PDZD2: variants seen among roughly 807,000 people sequenced by gnomAD.
PDZD2 encodes the protein PDZ domain-containing protein 2.
PDZD2 carries 90 observed loss-of-function variants against 220.7 expected under a neutral mutation model. The ratio of observed to expected loss-of-function variants is 0.41; its 90% confidence interval spans 0.34 to 0.49. PDZD2 has a LOEUF of 0.49. PDZD2 is among the 20% of genes least tolerant of loss of function. The pLI, the probability that PDZD2 is intolerant of heterozygous loss-of-function variation, is 0.28. For missense variants in PDZD2, 3,174 were observed against 3,608.5 expected (o/e 0.88, Z 3.08); for synonymous variants, 1,375 against 1,450.5 (o/e 0.95, Z 1.18).
intron 7 of PDZD2, among the ~76,000 whole-genome samples, chr5:32,038,428 T>C (rs983613120): frequency 9.9e-5 from 15 of 151,736 alleles, no homozygotes; most frequent in Admixed American, 5.3e-4. Flanking sequence ...TCCCAGCTAC[T>C]TGGGAGACTG....
intron 6 of PDZD2, among the ~76,000 whole-genome samples, chr5:32,022,985 G>C (rs1243806970): frequency 6.6e-6 from 1 of 152,126 alleles, no homozygotes; most frequent in Non-Finnish European, 1.5e-5. Flanking sequence ...CCATTGAGAG[G>C]TAACCAGAGC....
chr5:31,920,238 C>T lies in PDZD2; in HGVS notation c.477-62917C>T, dbSNP rs527827680. On this transcript the variant is annotated intron_variant, in intron 2 of 24. Coordinates refer to ENST00000438447, the MANE Select transcript of PDZD2 (RefSeq NM_178140.4). ...AGTTGAGGCTATAGTGGGCTATGAGCGCGCCACTGCACTCCAGCCTTGGTA... is the reference window on the plus strand; with the variant it reads ...AGTTGAGGCTATAGTGGGCTATGAGTGCGCCACTGCACTCCAGCCTTGGTA... Among the ~76,000 whole-genome samples the T allele has an allele frequency of 4.6e-5, 7 of 151,936 alleles. No homozygotes were observed. The South Asian group carries it at 8.3e-4, about 18-fold the overall frequency.
intron 1 of PDZD2, among the ~76,000 whole-genome samples, chr5:31,788,774 G>T (rs1171934765): frequency 6.6e-6 from 1 of 152,244 alleles, no homozygotes; most frequent in Non-Finnish European, 1.5e-5. Context: ...TCAATCAGTT[G>T]TATGTTTGTG....
rs531039436 is a variant in PDZD2 at position 31,845,380 on chromosome 5, A to G, written c.476+45656A>G. On this transcript the variant is annotated intron_variant, in intron 2 of 24. Coordinates refer to ENST00000438447, the MANE Select transcript of PDZD2 (RefSeq NM_178140.4). The stretch of plus-strand genomic sequence containing the variant: ...CTTTCTTATTCCACTACGTCTCCAC[A>G]CTGCCATATAACACACAGTTCCAAC... Among the ~76,000 whole-genome samples the G allele has an allele frequency of 4.9e-4, 75 of 152,360 alleles. 1 individual carries two copies. The South Asian group carries it at 0.015, about 31-fold the overall frequency.
At chr5:31,787,210 C>T (rs1753431268) in intron 1 of PDZD2, among the ~76,000 whole-genome samples, 1 of 152,192 alleles carries the variant, frequency 6.6e-6, no homozygotes, top group Non-Finnish European at 1.5e-5. Context: ...CAGTAGATAG[C>T]AACTGTTTCA....
chr5:32,090,287 T>C lies in PDZD2; in HGVS notation c.6839T>C (p.Val2280Ala). The change falls in exon 20 of 25, where the codon GTA becomes GCA. Residue 2280 changes from valine (V) to alanine (A), a missense_variant. Coordinates refer to ENST00000438447, the MANE Select transcript of PDZD2 (RefSeq NM_178140.4). The surrounding 1 kb of genome is among the most constrained non-coding windows in gnomAD (Gnocchi z 4.3). ...SLANGQGIYS[V>A]KPLLDTSRNL... ...GCTAATGGACAGGGCATATATAGTG[T>C]AAAGCCGCTGCTGGACACATCGAGG... 1 of 1,614,148 alleles carries C rather than the reference T, an allele frequency of 6.2e-7. No homozygotes were observed. Among genetic ancestry groups the C allele is most frequent in the South Asian group, 1.1e-5 (1 of 91,078 alleles).
At chr5:32,026,227 T>C (rs1475837188) in intron 6 of PDZD2, among the ~76,000 whole-genome samples, 3 of 151,870 alleles carry the variant, frequency 2.0e-5, no homozygotes, top group Non-Finnish European at 4.4e-5. Context: ...ACCTCCATCT[T>C]CTGGGCTCAA....
intron 1 of PDZD2, among the ~76,000 whole-genome samples, chr5:31,758,044 C>A (rs756230682): frequency 1.3e-5 from 2 of 152,244 alleles, no homozygotes; most frequent in Non-Finnish European, 2.9e-5. Context: ...GCAGTCCCTG[C>A]CCAGGCCGGG....
intron 1 of PDZD2, among the ~76,000 whole-genome samples, chr5:31,740,524 C>CAAAAAAAAAAAAAAAAAAAAAAAA (rs58965956): frequency 1.7e-5 from 1 of 60,096 alleles, no homozygotes. Flanking sequence ...GACTCCGTCT[C>CAAAAAAAAAAAAAAAAAAAAAAAA]AAAAAAAAAA....
Position 31,950,015 on chromosome 5 carries a change from A to G in PDZD2, c.477-33140A>G, listed in dbSNP as rs139270102. ...TAAATTTTAATGCCAGAACTGCATC[A>G]GATTCTCTATATGCAGTCTTATCCA... On this transcript the variant is annotated intron_variant, in intron 2 of 24. Coordinates refer to ENST00000438447, the MANE Select transcript of PDZD2 (RefSeq NM_178140.4). Among the ~76,000 whole-genome samples, 540 of 152,156 alleles carry G rather than the reference A, an allele frequency of 3.5e-3. 3 individuals carry two copies. The highest frequency in any genetic ancestry group is 0.012 in the African/African-American group (513 of 41,508).
At chr5:32,049,139 C>T (rs1738264724) in intron 8 of PDZD2, among the ~76,000 whole-genome samples, 1 of 152,020 alleles carries the variant, frequency 6.6e-6, no homozygotes. Flanking sequence ...CTCAAGCAGC[C>T]AAGGTCATGG....
At chr5:31,983,931 C>T (rs1750510801) in intron 3 of PDZD2, among the ~76,000 whole-genome samples, 1 of 152,106 alleles carries the variant, frequency 6.6e-6, no homozygotes, top group African/African-American at 2.4e-5. Context: ...TCAAGTGATC[C>T]TAAGTGGAAA....
At chr5:31,895,785 C>G (rs1365854624) in intron 2 of PDZD2, among the ~76,000 whole-genome samples, 1 of 152,154 alleles carries the variant, frequency 6.6e-6, no homozygotes, top group Non-Finnish European at 1.5e-5. Flanking sequence ...CTGCTCCCAC[C>G]CCTTCCAAAA....
At chr5:31,847,388 G>C in intron 2 of PDZD2, 1 of 454,704 alleles carries the variant, frequency 2.2e-6, no homozygotes, top group Non-Finnish European at 4.1e-6. Context: ...GGTGATAGAG[G>C]ATAAAAATAA....
chr5:31,839,369 A>T (rs768318783), intron 2 of PDZD2, among the ~76,000 whole-genome samples: 1 of 152,190 alleles, frequency 6.6e-6, no homozygotes. Context: ...ATAAATAATC[A>T]TGTCAAGGGA....
In PDZD2 at chr5:31,799,102, T is replaced by A. The variant is rs910923527; in HGVS notation, c.-147T>A. 5 of 601,960 alleles carry A rather than the reference T, an allele frequency of 8.3e-6. No individual in the cohort carries two copies. The African/African-American group carries it at 9.3e-5, about 11-fold the overall frequency. The allele number at this position is 601,960 out of a possible 1,614,324, so 37.3% of individuals were successfully genotyped here. ...CCAAGGCAAACAGCATAGTCTCGAG[T>A]AGGTGTCCCTAGGCTCATCTGCCAG... is the stretch of plus-strand genomic sequence containing the variant. On this transcript the variant is annotated 5_prime_UTR_variant, in exon 2 of 25. Coordinates refer to ENST00000438447, the MANE Select transcript of PDZD2 (RefSeq NM_178140.4).
chr5:31,729,863 TG>T (rs1749419879), intron 1 of PDZD2, among the ~76,000 whole-genome samples: 1 of 152,020 alleles, frequency 6.6e-6, no homozygotes, highest in South Asian at 2.1e-4. Flanking sequence ...AATCTTGCTC[TG>T]TCACCCAGGC....
chr5:32,070,579 A>G (rs1740643299), intron 15 of PDZD2, among the ~76,000 whole-genome samples: 1 of 152,236 alleles, frequency 6.6e-6, no homozygotes, highest in Non-Finnish European at 1.5e-5. Context: ...AAAAACTAAA[A>G]TAGATATTCA....
At chr5:31,780,002 G>A (rs1752964305) in intron 1 of PDZD2, among the ~76,000 whole-genome samples, 1 of 152,154 alleles carries the variant, frequency 6.6e-6, no homozygotes, top group Non-Finnish European at 1.5e-5. Context: ...GTTTCTGGTG[G>A]CTTTACTGTA....
Sources: allele counts gnomAD v4.1 joint callset (sites outside exome capture counted in the v4.1 genomes callset), GRCh38; gene constraint gnomAD v4.1.1; non-coding constraint Gnocchi (gnomAD v3.1); transcripts MANE v1.5; gene names NCBI Gene and HGNC (gene_info 2026-07-23, HGNC 2026-07-21).